CTNNA2: variants seen among roughly 807,000 people sequenced by gnomAD.
CTNNA2 encodes the protein catenin alpha 2, also known as catenin alpha-2.
CTNNA2 carries 42 observed loss-of-function variants against 101.0 expected under a neutral mutation model. The ratio of observed to expected loss-of-function variants is 0.42; its 90% CI spans 0.32 to 0.54. The LOEUF is 0.54. Among genes scored for constraint, CTNNA2 ranks in the 20% least tolerant of loss-of-function variants. The probability of loss-of-function intolerance (pLI) is 0.14; values close to 1 mark genes in which losing one functional copy is unlikely to be tolerated. For synonymous variants in CTNNA2, 450 were observed against 456.4 expected (o/e 0.99, Z 0.18); for missense variants, 871 against 1,223.1 (o/e 0.71, Z 4.29).
intron 15 of CTNNA2, among the ~76,000 whole-genome samples, chr2:80,599,318 G>A (rs961407361): frequency 6.6e-6 from 1 of 152,132 alleles, no homozygotes; most frequent in Non-Finnish European, 1.5e-5. Flanking sequence ...ATTGCTATAG[G>A]CACTCGGATG....
chr2:79,947,237 T>C (rs1688561210), intron 7 of CTNNA2, among the ~76,000 whole-genome samples: 1 of 152,134 alleles, frequency 6.6e-6, no homozygotes, highest in Admixed American at 6.5e-5. Flanking sequence ...AATGAGCACA[T>C]TTTTTTCACT....
chr2:79,293,861 T>A (rs1401133409), intron 2 of CTNNA2, among the ~76,000 whole-genome samples: 1 of 152,180 alleles, frequency 6.6e-6, no homozygotes, highest in Non-Finnish European at 1.5e-5. Flanking sequence ...ACCTTCAATC[T>A]TTATTAGCAA....
intron 15 of CTNNA2, chr2:80,601,886 A>G (rs1697576746): frequency 6.6e-6 from 1 of 152,040 alleles, no homozygotes; most frequent in African/African-American, 2.4e-5. Context: ...AGTTAAGGCT[A>G]CTTGTTTTTC....
At chr2:80,325,831 C>T (rs1247433615) in intron 7 of CTNNA2, among the ~76,000 whole-genome samples, 1 of 152,198 alleles carries the variant, frequency 6.6e-6, no homozygotes, top group East Asian at 1.9e-4. Context: ...TGAGATTCTG[C>T]AGCCCATCCT....
chr2:79,302,352 C>T (rs561515163), intron 2 of CTNNA2, among the ~76,000 whole-genome samples: 3 of 152,036 alleles, frequency 2.0e-5, no homozygotes, highest in Non-Finnish European at 4.4e-5. Flanking sequence ...TTGCCTTTCT[C>T]AGTGTTTAAG....
At chr2:80,230,286 G>T in intron 7 of CTNNA2, among the ~76,000 whole-genome samples, 2 of 121,898 alleles carry the variant, frequency 1.6e-5, no homozygotes, top group Non-Finnish European at 1.7e-5. Context: ...TTAAGAGATA[G>T]AGTCTTGCTT....
At chr2:79,744,332 G>T in intron 2 of CTNNA2, 55 bp from the exon 3 acceptor site, 1 of 1,478,974 alleles carries the variant, frequency 6.8e-7, no homozygotes, top group South Asian at 1.3e-5. Flanking sequence ...GAGATAACAT[G>T]ACATTTCTAG....
intron 1 of CTNNA2, among the ~76,000 whole-genome samples, chr2:79,617,124 G>A (rs1030646086): frequency 2.6e-5 from 4 of 151,922 alleles, no homozygotes; most frequent in Admixed American, 6.6e-5. Flanking sequence ...GGCTAGTCTC[G>A]AACTCCTGAC....
At chr2:79,891,956 C>T (rs923626332) in intron 6 of CTNNA2, among the ~76,000 whole-genome samples, 11 of 151,394 alleles carry the variant, frequency 7.3e-5, no homozygotes, top group South Asian at 2.1e-4. Flanking sequence ...ATAGTATTTG[C>T]GAAAAATTAA....
chr2:80,030,615 A>G (rs1267514112), intron 7 of CTNNA2: 1 of 152,196 alleles, frequency 6.6e-6, no homozygotes, highest in Non-Finnish European at 1.5e-5. Context: ...TGGTCCCCAT[A>G]ATTAAACAAT....
chr2:79,728,299 G>A (rs1339659049), intron 2 of CTNNA2, among the ~76,000 whole-genome samples: 1 of 152,062 alleles, frequency 6.6e-6, no homozygotes, highest in Non-Finnish European at 1.5e-5. Context: ...ATCTCATTGT[G>A]GTTTTGATTT....
chr2:79,952,329 GCAACAA>G (rs200510987), intron 7 of CTNNA2, among the ~76,000 whole-genome samples: 1 of 152,044 alleles, frequency 6.6e-6, no homozygotes, highest in African/African-American at 2.4e-5. Flanking sequence ...GCAAAGCAAA[GCAACAA>G]CAACAACAAC....
At chr2:79,562,661 A>T (rs1165133215) in intron 1 of CTNNA2, among the ~76,000 whole-genome samples, 1 of 152,104 alleles carries the variant, frequency 6.6e-6, no homozygotes, top group Non-Finnish European at 1.5e-5. Flanking sequence ...AGTTATTTTA[A>T]CTTTAACATT....
intron 9 of CTNNA2, among the ~76,000 whole-genome samples, chr2:80,493,141 G>A (rs1216788160): frequency 6.6e-6 from 1 of 152,166 alleles, no homozygotes; most frequent in East Asian, 1.9e-4. Context: ...ATTTTAATAA[G>A]ACACAGAGCA....
At chr2:79,786,662 A>G (rs1241792994) in intron 3 of CTNNA2, among the ~76,000 whole-genome samples, 1 of 152,076 alleles carries the variant, frequency 6.6e-6, no homozygotes, top group African/African-American at 2.4e-5. Context: ...CTGCAACACT[A>G]GAGAACTTTC....
intron 7 of CTNNA2, among the ~76,000 whole-genome samples, chr2:80,020,097 A>G (rs1694448704): frequency 6.6e-6 from 1 of 152,244 alleles, no homozygotes. Flanking sequence ...AGCTTCAACT[A>G]GAGAGCACAG....
At chr2:80,624,337 T>C (rs1671451278) in intron 18 of CTNNA2, among the ~76,000 whole-genome samples, 1 of 151,980 alleles carries the variant, frequency 6.6e-6, no homozygotes, top group African/African-American at 2.4e-5. Context: ...ATGTTGAAAA[T>C]GTTAATTATG....
intron 7 of CTNNA2, among the ~76,000 whole-genome samples, chr2:80,151,447 A>G (rs1703690912): frequency 6.6e-6 from 1 of 152,214 alleles, no homozygotes; most frequent in South Asian, 2.1e-4. Context: ...ATAGCTGTAC[A>G]ATGATTGTGA....
intron 4 of CTNNA2, among the ~76,000 whole-genome samples, chr2:79,472,771 G>T (rs190235514): frequency 2.6e-5 from 4 of 152,182 alleles, no homozygotes; most frequent in African/African-American, 9.6e-5. Flanking sequence ...TTAAGTTCTA[G>T]TTCTTTTTGC....
Sources: allele counts gnomAD v4.1 joint callset (sites outside exome capture counted in the v4.1 genomes callset), GRCh38; gene constraint gnomAD v4.1.1; transcripts MANE v1.5; gene names NCBI Gene and HGNC (gene_info 2026-07-23, HGNC 2026-07-21).